Variants in FGF12 observed in about 807,000 individuals in gnomAD.
The protein encoded by FGF12 is fibroblast growth factor 12B.
In FGF12, 14 loss-of-function variants were observed where a neutral mutation model predicts 23.6. That is an observed-to-expected ratio of 0.59 (90% confidence interval 0.39 to 0.93). FGF12 has a LOEUF of 0.93. FGF12 is among the 40% of genes least tolerant of loss of function. FGF12 has a pLI of 0.00. For synonymous variants in FGF12, 62 were observed against 77.3 expected (o/e 0.80, Z 1.04); for missense variants, 175 against 217.8 (o/e 0.80, Z 1.24).
intron 2 of FGF12, among the ~76,000 whole-genome samples, chr3:192,635,720 G>A (rs183357069): frequency 4.6e-5 from 7 of 151,996 alleles, no homozygotes; most frequent in African/African-American, 1.7e-4. Flanking sequence ...CTTTTTTTAC[G>A]TGTGGGGAGG....
At chr3:192,714,638 C>A (rs942938422) in intron 2 of FGF12, among the ~76,000 whole-genome samples, 2 of 150,822 alleles carry the variant, frequency 1.3e-5, no homozygotes, top group Non-Finnish European at 3.0e-5. Flanking sequence ...CCTGCCTCAG[C>A]CTCCCGAGTA....
intron 5 of FGF12, among the ~76,000 whole-genome samples, chr3:192,154,376 G>A (rs2108591640): frequency 8.2e-6 from 1 of 122,588 alleles, no homozygotes; most frequent in South Asian, 2.8e-4. Context: ...TTCCTTTGGA[G>A]GAGGAGAGAC....
At chr3:192,669,415 G>A (rs1212291347) in intron 2 of FGF12, among the ~76,000 whole-genome samples, 4 of 139,086 alleles carry the variant, frequency 2.9e-5, no homozygotes, top group African/African-American at 5.5e-5. Context: ...ACAAAATTCC[G>A]TCTCTACAGA....
At chr3:192,617,746 AGAG>A (rs922880362) in intron 2 of FGF12, among the ~76,000 whole-genome samples, 1 of 152,098 alleles carries the variant, frequency 6.6e-6, no homozygotes, top group Non-Finnish European at 1.5e-5. Flanking sequence ...ACCAGGTAGA[AGAG>A]TTTTAGTAGA....
chr3:192,262,225 A>G (rs780196557), intron 4 of FGF12, among the ~76,000 whole-genome samples: 8 of 152,160 alleles, frequency 5.3e-5, no homozygotes, highest in African/African-American at 7.2e-5. Context: ...TTTGTTTCGT[A>G]CAAGTATGCT....
chr3:192,182,618 T>G (rs1003078111), intron 4 of FGF12, among the ~76,000 whole-genome samples: 8 of 144,908 alleles, frequency 5.5e-5, no homozygotes, highest in Non-Finnish European at 1.1e-4. Flanking sequence ...CCATCGTCTA[T>G]GTCCTGCTTA....
intron 2 of FGF12, among the ~76,000 whole-genome samples, chr3:192,599,294 A>ACCTTTG (rs1301541760): frequency 6.6e-6 from 1 of 150,970 alleles, no homozygotes; most frequent in African/African-American, 2.4e-5. Context: ...AAAGACTGTT[A>ACCTTTG]CCTTTGGAAT....
chr3:192,544,450 G>A (rs1725446240), intron 2 of FGF12, among the ~76,000 whole-genome samples: 1 of 152,084 alleles, frequency 6.6e-6, no homozygotes, highest in Non-Finnish European at 1.5e-5. Context: ...CTTCTATTTG[G>A]CCATCTTGCG....
intron 2 of FGF12, among the ~76,000 whole-genome samples, chr3:192,416,358 G>T (rs563783657): frequency 1.3e-5 from 2 of 152,134 alleles, no homozygotes; most frequent in Admixed American, 6.5e-5. Context: ...ATTTAGAGTA[G>T]ATAAGTTGTC....
intron 4 of FGF12, among the ~76,000 whole-genome samples, chr3:192,328,259 C>T (rs76263140): frequency 0.015 from 2,328 of 152,272 alleles, 59 homozygotes; most frequent in African/African-American, 0.052. Flanking sequence ...TGAGAGCCTT[C>T]GGCTAAATAG....
intron 2 of FGF12, among the ~76,000 whole-genome samples, chr3:192,446,020 AT>A (rs1722343516): frequency 6.6e-6 from 1 of 152,218 alleles, no homozygotes; most frequent in Non-Finnish European, 1.5e-5. Context: ...CATTAAACAA[AT>A]TGCTCCATAA....
At chr3:192,209,237 A>ATCATCATCATTT (rs1398023998) in intron 4 of FGF12, among the ~76,000 whole-genome samples, 1 of 152,036 alleles carries the variant, frequency 6.6e-6, no homozygotes, top group Non-Finnish European at 1.5e-5. Context: ...CACCACCACC[A>ATCATCATCATTT]TCATCATCAT....
intron 4 of FGF12, among the ~76,000 whole-genome samples, chr3:192,212,027 T>C (rs968299733): frequency 2.6e-5 from 4 of 152,190 alleles, no homozygotes; most frequent in African/African-American, 9.7e-5. Context: ...TTGAACAACA[T>C]GTATTTGCAA....
At chr3:192,683,231 A>G (rs1181066751) in intron 2 of FGF12, among the ~76,000 whole-genome samples, 1 of 152,204 alleles carries the variant, frequency 6.6e-6, no homozygotes, top group African/African-American at 2.4e-5. Context: ...AATCAGTGCA[A>G]TCTTGTTGGG....
chr3:192,641,066 G>C (rs1715780206), intron 2 of FGF12, among the ~76,000 whole-genome samples: 2 of 151,366 alleles, frequency 1.3e-5, no homozygotes, highest in Admixed American at 6.6e-5. Flanking sequence ...AAAATACTGG[G>C]ACTACAGTTG....
intron 3 of FGF12, among the ~76,000 whole-genome samples, chr3:192,348,418 A>T (rs960481759): frequency 1.3e-5 from 2 of 152,190 alleles, no homozygotes; most frequent in African/African-American, 4.8e-5. Flanking sequence ...GAAATAGGCA[A>T]CCAGGTTATT....
At chr3:192,375,466 G>A (rs1030706873) in intron 2 of FGF12, among the ~76,000 whole-genome samples, 2 of 152,106 alleles carry the variant, frequency 1.3e-5, no homozygotes, top group Non-Finnish European at 2.9e-5. Flanking sequence ...CAAAATCCAA[G>A]TCTAACTGTT....
chr3:192,485,802 T>C (rs1273642558), intron 2 of FGF12, among the ~76,000 whole-genome samples: 1 of 152,164 alleles, frequency 6.6e-6, no homozygotes, highest in Non-Finnish European at 1.5e-5. Context: ...ATAGAAACAT[T>C]AAATATATAA....
chr3:192,438,501 T>C (rs374410073), intron 2 of FGF12, among the ~76,000 whole-genome samples: 1 of 152,206 alleles, frequency 6.6e-6, no homozygotes, highest in African/African-American at 2.4e-5. Flanking sequence ...GCTCCTCTTA[T>C]CCAGTCCAGA....
Sources: allele counts gnomAD v4.1 joint callset (sites outside exome capture counted in the v4.1 genomes callset), GRCh38; gene constraint gnomAD v4.1.1; transcripts MANE v1.5; gene names NCBI Gene and HGNC (gene_info 2026-07-23, HGNC 2026-07-21).